Variants in HECW1 observed in about 807,000 individuals in gnomAD.
HECW1 encodes E3 ubiquitin-protein ligase HECW1.
HECW1 carries 61 observed loss-of-function variants against 182.3 expected under a neutral mutation model. The ratio of observed to expected loss-of-function variants is 0.33; its 90% CI spans 0.27 to 0.41. The LOEUF (loss-of-function observed/expected upper bound fraction) is 0.41, where lower values mean the gene tolerates loss of function less well. Among genes scored for constraint, HECW1 ranks in the 10% least tolerant of loss-of-function variants. The probability of loss-of-function intolerance (pLI) is 1.00; values close to 1 mark genes in which losing one functional copy is unlikely to be tolerated. For synonymous variants in HECW1, 859 were observed against 832.6 expected, an observed-to-expected ratio of 1.03 and a Z score of -0.55; for missense variants, 1,739 against 2,108.9, an observed-to-expected ratio of 0.82 and a Z score of 3.44.
intron 6 of HECW1, among the ~76,000 whole-genome samples, chr7:43,373,129 G>A (rs994987427): frequency 1.3e-5 from 2 of 152,002 alleles, no homozygotes; most frequent in Non-Finnish European, 2.9e-5. Context: ...TAACGGTGCT[G>A]GGAGTCACTG....
intron 2 of HECW1, among the ~76,000 whole-genome samples, chr7:43,218,370 C>G (rs1796626220): frequency 6.6e-6 from 1 of 152,102 alleles, no homozygotes; most frequent in Non-Finnish European, 1.5e-5. Context: ...TATTTTTTTC[C>G]AAACAAGAGG....
At position 43,284,165 on chromosome 7, in the gene HECW1, T is replaced by A. The variant is rs566674950; in HGVS notation, c.28-27598T>A. 1.2e-4 allele frequency among the ~76,000 whole-genome samples: 19 copies of A among 152,296 alleles called. No homozygotes were observed. The South Asian group carries it at 3.5e-3, about 28-fold the overall frequency. On this transcript the variant is annotated intron_variant, in intron 3 of 29. Transcript: ENST00000395891. Reference sequence around the variant, plus strand: ...GCAGGCTGCCTAGTGACAGGTAATCTTATAGGAAATGGGAGGACTGTTTTT... The same window carrying A: ...GCAGGCTGCCTAGTGACAGGTAATCATATAGGAAATGGGAGGACTGTTTTT...
intron 3 of HECW1, among the ~76,000 whole-genome samples, chr7:43,302,430 G>A (rs1400465536): frequency 6.6e-6 from 1 of 152,246 alleles, no homozygotes; most frequent in African/African-American, 2.4e-5. Flanking sequence ...GTGGGTTCCT[G>A]TGTGATTCAC....
At chr7:43,263,141 A>G (rs1329651796) in intron 3 of HECW1, among the ~76,000 whole-genome samples, 2 of 152,200 alleles carry the variant, frequency 1.3e-5, no homozygotes, top group African/African-American at 4.8e-5. Context: ...CATTCTAAAG[A>G]GAGAAAAATT....
chr7:43,316,738 T>A (rs73322347), intron 4 of HECW1, among the ~76,000 whole-genome samples: 2 of 59,808 alleles, frequency 3.3e-5, no homozygotes, highest in African/African-American at 1.1e-4. Flanking sequence ...GCCCACAGCA[T>A]CCATTCCAGT....
rs767639191 is a variant in HECW1, at chr7:43,311,780, G to A, written c.45G>A (p.Arg15=). ...TCCCACAGAATCTGTACCAGAACAG[G>A]TTTTTAGGCCTGGCCGCCATGGCGT... The part of the protein sequence containing the change: ...LCSVKNLYQN[R]FLGLAAMASP... Residue 15 remains arginine (R), a synonymous_variant, in exon 4 of 30, where the codon AGG becomes AGA. Coordinates refer to ENST00000395891, the MANE Select transcript of HECW1 (RefSeq NM_015052.5). 1.9e-6 allele frequency: 3 copies of A among 1,613,804 alleles called. No homozygotes were observed. Among genetic ancestry groups the A allele is most frequent in the Non-Finnish European group, 2.5e-6 (3 of 1,179,886 alleles).
intron 6 of HECW1, among the ~76,000 whole-genome samples, chr7:43,376,866 C>CAA (rs34753661): frequency 5.0e-5 from 7 of 140,104 alleles, no homozygotes; most frequent in Non-Finnish European, 7.7e-5. Context: ...GACTCTGTCT[C>CAA]AAAAAAAAAA....
At position 43,564,491 on chromosome 7, in the gene HECW1, G is replaced by A. The variant is rs552540436; in HGVS notation, c.*2565G>A. On this transcript the variant is annotated 3_prime_UTR_variant, in exon 30 of 30. Coordinates refer to ENST00000395891, the MANE Select transcript of HECW1 (RefSeq NM_015052.5). ...TGGCATACATGATTTTTCAACTACC[G>A]TTTCCTTATCCACCAGTACTACTGA... 6 of 189,240 alleles carry A rather than the reference G, an allele frequency of 3.2e-5. No individual in the cohort carries two copies. The highest frequency in any genetic ancestry group is 6.2e-5 in the Admixed American group (1 of 16,186). 11.7% of individuals were successfully genotyped at this position (189,240 alleles called of 1,614,324 possible). A position where few individuals can be genotyped will look rare whatever the true frequency, so the allele number is the denominator to read the frequency against.
chr7:43,403,322 G>A (rs2075490165), intron 7 of HECW1, among the ~76,000 whole-genome samples: 1 of 152,192 alleles, frequency 6.6e-6, no homozygotes, highest in Non-Finnish European at 1.5e-5. Context: ...AAGTGACAGG[G>A]CAAAGGAAAA....
At chr7:43,477,048 C>T (rs2152905083) in intron 16 of HECW1, among the ~76,000 whole-genome samples, 1 of 152,194 alleles carries the variant, frequency 6.6e-6, no homozygotes, top group East Asian at 1.9e-4. Flanking sequence ...ACATCGCAGG[C>T]AACACACTAA....
At chr7:43,133,210 T>A (rs979854927) in intron 2 of HECW1, among the ~76,000 whole-genome samples, 1 of 151,790 alleles carries the variant, frequency 6.6e-6, no homozygotes, top group Non-Finnish European at 1.5e-5. Context: ...GTGTTTAGTT[T>A]TATATATATA....
At chr7:43,372,489 G>A (rs1487503090) in intron 6 of HECW1, among the ~76,000 whole-genome samples, 1 of 151,662 alleles carries the variant, frequency 6.6e-6, no homozygotes, top group Non-Finnish European at 1.5e-5. Flanking sequence ...GTTTTCATTA[G>A]GTATATCTCC....
At chr7:43,550,053 G>C (rs1172929675) in intron 26 of HECW1, among the ~76,000 whole-genome samples, 2 of 151,924 alleles carry the variant, frequency 1.3e-5, no homozygotes, top group Non-Finnish European at 1.5e-5. Context: ...GGGAGGATCA[G>C]TTAAGGCCAG....
At chr7:43,382,273 G>A (rs111769093) in intron 6 of HECW1, among the ~76,000 whole-genome samples, 10,872 of 151,250 alleles carry the variant, frequency 0.072, 1,216 homozygotes, top group African/African-American at 0.24. Context: ...GCGACAGAGC[G>A]AGACTCCGTC....
At position 43,298,908 on chromosome 7, in the gene HECW1, G is replaced by C. The variant is rs370334619; in HGVS notation, c.28-12855G>C. On this transcript the variant is annotated intron_variant, in intron 3 of 29. Coordinates refer to ENST00000395891, the MANE Select transcript of HECW1 (RefSeq NM_015052.5). Reference sequence around the variant, plus strand: ...CGCACTTTAATCTCTGCTGTTTTCCGCATACAAGGTAAAAAATGGAAAATT... The same window carrying C: ...CGCACTTTAATCTCTGCTGTTTTCCCCATACAAGGTAAAAAATGGAAAATT... Among the ~76,000 whole-genome samples the C allele has an allele frequency of 5.3e-5, 8 of 152,096 alleles. No individual in the cohort carries two copies. The East Asian group carries it at 1.2e-3, about 22-fold the overall frequency.
At chr7:43,233,284 T>C (rs191992885) in intron 2 of HECW1, among the ~76,000 whole-genome samples, 246 of 152,350 alleles carry the variant, frequency 1.6e-3, no homozygotes, top group African/African-American at 5.7e-3. Flanking sequence ...TAACATAATT[T>C]ATTTAGTCTC....
chr7:43,294,382 G>A (rs1206857313), intron 3 of HECW1, among the ~76,000 whole-genome samples: 2 of 152,134 alleles, frequency 1.3e-5, no homozygotes, highest in African/African-American at 4.8e-5. Flanking sequence ...GAGGGGGGAG[G>A]ATGAGAGAGG....
Position 43,508,000 on chromosome 7 carries a change from A to G in HECW1, c.3753-18A>G, listed in dbSNP as rs1056636974. ...CCTGACTTCAGGGCCACTGCTCACC[A>G]CCCCTTCTCCTTCTCAGGCTCATTA... is the stretch of plus-strand genomic sequence containing the variant. On this transcript the variant is annotated intron_variant, in intron 22 of 29. Coordinates refer to ENST00000395891, the MANE Select transcript of HECW1 (RefSeq NM_015052.5). The G allele has an allele frequency of 1.9e-6, 3 of 1,586,564 alleles. No individual in the cohort carries two copies. The African/African-American group carries it at 4.0e-5, about 21-fold the overall frequency.
chr7:43,270,309 G>A (rs1451677017), intron 3 of HECW1, among the ~76,000 whole-genome samples: 1 of 152,202 alleles, frequency 6.6e-6, no homozygotes, highest in Non-Finnish European at 1.5e-5. Flanking sequence ...CATCTGATGG[G>A]TTGACTAGGG....
Sources: gnomAD v4.1 joint callset for allele counts (sites outside exome capture counted in the v4.1 genomes callset) on GRCh38, gnomAD v4.1.1 for gene constraint, MANE v1.5 for transcripts, NCBI Gene and HGNC (gene_info 2026-07-23, HGNC 2026-07-21) for gene names.